The following PLPPR1 variants were observed in gnomAD, a reference collection of about 807,000 sequenced individuals.
PLPPR1 encodes the protein phospholipid phosphatase-related protein type 1.
A neutral mutation model predicts 33.1 loss-of-function variants in PLPPR1; 10 were observed. The ratio of observed to expected loss-of-function variants is 0.30; its 90% CI spans 0.19 to 0.51. The LOEUF (loss-of-function observed/expected upper bound fraction) is 0.51. Among genes scored for constraint, PLPPR1 ranks in the 20% least tolerant of loss-of-function variants. The pLI, the probability that PLPPR1 is intolerant of heterozygous loss-of-function variation, is 0.97. For synonymous variants in PLPPR1, 151 were observed against 151.0 expected, an observed-to-expected ratio of 1.00 and a Z score of 0.00; for missense variants, 304 against 408.1, an observed-to-expected ratio of 0.74 and a Z score of 2.20.
intron 1 of PLPPR1, among the ~76,000 whole-genome samples, chr9:101,108,507 G>C (rs1184271658): frequency 6.6e-6 from 1 of 152,194 alleles, no homozygotes; most frequent in South Asian, 2.1e-4. Context: ...TCCACTTTGA[G>C]ACTCTTTGTG....
chr9:101,110,702 T>C (rs1831045183), intron 1 of PLPPR1, among the ~76,000 whole-genome samples: 1 of 152,160 alleles, frequency 6.6e-6, no homozygotes, highest in Non-Finnish European at 1.5e-5. Flanking sequence ...TTGTAATTTC[T>C]GGACGAATAA....
rs190972460 is a variant in PLPPR1 at position 101,290,995 on chromosome 9, G to C, written c.385+4759G>C. On this transcript the variant is annotated intron_variant, in intron 4 of 7. Coordinates refer to ENST00000374874, the MANE Select transcript of PLPPR1 (RefSeq NM_207299.2). ...AGTAGGGCGAGGCATTGCTTCACTC[G>C]GGAAGTGCAAGGGGTCAGGGAGTTC... Among the ~76,000 whole-genome samples, 1,472 of 152,342 alleles carry C rather than the reference G, an allele frequency of 9.7e-3. 18 individuals are homozygous for C. Among genetic ancestry groups the C allele is most frequent in the African/African-American group, 0.031 (1,307 of 41,582 alleles).
chr9:101,107,887 A>G (rs1830995711), intron 1 of PLPPR1, among the ~76,000 whole-genome samples: 2 of 151,162 alleles, frequency 1.3e-5, no homozygotes, highest in Non-Finnish European at 2.9e-5. Flanking sequence ...AAAGCACAAT[A>G]TTCGGGTGGG....
intron 1 of PLPPR1, among the ~76,000 whole-genome samples, chr9:101,165,225 C>T (rs1825838485): frequency 6.6e-6 from 1 of 152,062 alleles, no homozygotes; most frequent in Non-Finnish European, 1.5e-5. Context: ...TCAGACTGGG[C>T]TTAAGAGGGT....
At chr9:101,130,648 C>T (rs1475838248) in intron 1 of PLPPR1, among the ~76,000 whole-genome samples, 3 of 152,136 alleles carry the variant, frequency 2.0e-5, no homozygotes, top group African/African-American at 7.2e-5. Context: ...AAGCAACTAA[C>T]AAAGAATGAG....
At chr9:101,290,009 T>C (rs1828464309) in intron 4 of PLPPR1, among the ~76,000 whole-genome samples, 2 of 152,232 alleles carry the variant, frequency 1.3e-5, no homozygotes, top group African/African-American at 4.8e-5. Context: ...CAGAGAAGTC[T>C]GTTCTGACTT....
intron 2 of PLPPR1, among the ~76,000 whole-genome samples, chr9:101,268,279 TGAAAAAAAAAAA>T (rs1828034964): frequency 6.8e-6 from 1 of 147,992 alleles, no homozygotes; most frequent in Admixed American, 6.6e-5. Context: ...ATCTTTGATG[TGAAAAAAAAAAA>T]GAAAAAAGAA....
intron 1 of PLPPR1, among the ~76,000 whole-genome samples, chr9:101,060,090 T>C (rs79821174): frequency 6.6e-6 from 1 of 152,036 alleles, no homozygotes; most frequent in African/African-American, 2.4e-5. Context: ...AATGGATGAA[T>C]GGATAAAGAA....
At chr9:101,089,333 T>A (rs1315923649) in intron 1 of PLPPR1, among the ~76,000 whole-genome samples, 5 of 147,456 alleles carry the variant, frequency 3.4e-5, no homozygotes, top group Non-Finnish European at 4.5e-5. Flanking sequence ...AGATAGATAG[T>A]AGTTAATTGT....
At chr9:101,320,276 C>T (rs2118971802) in intron 7 of PLPPR1, among the ~76,000 whole-genome samples, 1 of 152,276 alleles carries the variant, frequency 6.6e-6, no homozygotes, top group African/African-American at 2.4e-5. Context: ...CCCTCCAGAC[C>T]CCTCTCATGT....
At position 101,095,928 on chromosome 9, in the gene PLPPR1, A is replaced by G. The variant is rs1460236874; in HGVS notation, c.-46+66826A>G. Among the ~76,000 whole-genome samples the G allele has an allele frequency of 4.6e-5, 7 of 152,326 alleles. No individual in the cohort carries two copies. In the East Asian group the frequency reaches 1.4e-3, roughly 29 times the overall value. On this transcript the variant is annotated intron_variant, in intron 1 of 7. Transcript: ENST00000374874. ...GGTTAAAGCAATTGTAACATCATGA[A>G]GTAGAACCAATCAAAAGCTTCCCTG...
At chr9:101,087,110 A>G (rs1830687187) in intron 1 of PLPPR1, among the ~76,000 whole-genome samples, 1 of 151,936 alleles carries the variant, frequency 6.6e-6, no homozygotes, top group African/African-American at 2.4e-5. Flanking sequence ...TCCAGGAGGT[A>G]GAGGTTGCAG....
intron 2 of PLPPR1, among the ~76,000 whole-genome samples, chr9:101,261,643 A>G (rs978185299): frequency 3.3e-5 from 5 of 152,234 alleles, no homozygotes; most frequent in Admixed American, 1.3e-4. Flanking sequence ...TGGAACACAT[A>G]CACCATGGAA....
intron 3 of PLPPR1, among the ~76,000 whole-genome samples, chr9:101,276,612 C>T (rs142759561): frequency 5.6e-4 from 85 of 152,312 alleles, no homozygotes; most frequent in African/African-American, 1.9e-3. Flanking sequence ...TTACTTTTTA[C>T]TGAAAGTAGT....
At chr9:101,045,523 G>A (rs1450225358) in intron 1 of PLPPR1, among the ~76,000 whole-genome samples, 1 of 152,202 alleles carries the variant, frequency 6.6e-6, no homozygotes, top group Non-Finnish European at 1.5e-5. Context: ...TAGGTAGGGA[G>A]AGAATGAGCC....
chr9:101,160,026 G>A (rs1298661375), intron 1 of PLPPR1, among the ~76,000 whole-genome samples: 1 of 152,142 alleles, frequency 6.6e-6, no homozygotes, highest in Non-Finnish European at 1.5e-5. Context: ...TATCTTGAGG[G>A]ATAAAGAAGT....
chr9:101,303,729 T>A (rs1828795310), intron 4 of PLPPR1, among the ~76,000 whole-genome samples: 1 of 152,218 alleles, frequency 6.6e-6, no homozygotes, highest in Admixed American at 6.5e-5. Context: ...CTGTTGGCAA[T>A]TTAATCCAGA....
intron 1 of PLPPR1, among the ~76,000 whole-genome samples, chr9:101,158,911 G>A (rs1275810978): frequency 6.6e-6 from 1 of 152,172 alleles, no homozygotes; most frequent in Non-Finnish European, 1.5e-5. Context: ...TTGGAGGACT[G>A]GCTTCAGCTG....
chr9:101,046,037 C>G (rs1375841116), intron 1 of PLPPR1, among the ~76,000 whole-genome samples: 1 of 152,164 alleles, frequency 6.6e-6, no homozygotes, highest in Non-Finnish European at 1.5e-5. Context: ...TTTATATTAA[C>G]TAACCAACAC....
Sources: gnomAD v4.1 joint callset for allele counts (sites outside exome capture counted in the v4.1 genomes callset) on GRCh38, gnomAD v4.1.1 for gene constraint, MANE v1.5 for transcripts, NCBI Gene and HGNC (gene_info 2026-07-23, HGNC 2026-07-21) for gene names.